SEMA3A: variants seen among roughly 807,000 people sequenced by gnomAD.
SEMA3A encodes semaphorin 3A, also known as semaphorin-3A.
A neutral mutation model predicts 97.9 loss-of-function variants in SEMA3A; 29 were observed. The observed-to-expected ratio is 0.30, with a 90% CI of 0.22 to 0.40. The LOEUF (loss-of-function observed/expected upper bound fraction) is 0.40. Among genes scored for constraint, SEMA3A ranks in the 10% least tolerant of loss-of-function variants. SEMA3A has a pLI of 1.00. For missense variants in SEMA3A, 763 were observed against 951.3 expected (o/e 0.80, Z 2.60); for synonymous variants, 321 against 323.7 (o/e 0.99, Z 0.09).
chr7:84,116,463 A>G (rs1795434442), intron 3 of SEMA3A, among the ~76,000 whole-genome samples: 1 of 152,198 alleles, frequency 6.6e-6, no homozygotes, highest in African/African-American at 2.4e-5. Flanking sequence ...CCCATAGGGT[A>G]AATGAATTAT....
At chr7:84,307,885 A>G (rs981009601) in intron 2 of SEMA3A, among the ~76,000 whole-genome samples, 1 of 152,220 alleles carries the variant, frequency 6.6e-6, no homozygotes, top group Admixed American at 6.5e-5. Context: ...ATACTAAAAT[A>G]GATGCTTTGT....
At chr7:84,055,749 T>G (rs536833119) in intron 5 of SEMA3A, among the ~76,000 whole-genome samples, 1 of 151,884 alleles carries the variant, frequency 6.6e-6, no homozygotes, top group Admixed American at 6.5e-5. Flanking sequence ...TGTTGATTCT[T>G]AAGCATAGTG....
chr7:84,429,454 A>G (rs1295558576), intron 1 of SEMA3A, among the ~76,000 whole-genome samples: 1 of 145,556 alleles, frequency 6.9e-6, no homozygotes. Flanking sequence ...CAAAAAAACT[A>G]TGCAATATAT....
At chr7:84,323,599 T>A (rs920502287) in intron 2 of SEMA3A, among the ~76,000 whole-genome samples, 3 of 151,516 alleles carry the variant, frequency 2.0e-5, no homozygotes, top group African/African-American at 7.3e-5. Flanking sequence ...TCTGAAAAAA[T>A]AGTATAAAAT....
In SEMA3A at chr7:84,007,442, C is replaced by A; in HGVS notation, c.1051G>T (p.Val351Leu). 2 of 1,606,780 alleles carry A rather than the reference C, an allele frequency of 1.2e-6. No individual in the cohort carries two copies. The highest frequency in any genetic ancestry group is 1.7e-6 in the Non-Finnish European group (2 of 1,176,480). ...CTGTGGGCATATGGACCAAGGAACA[C>A]CCTTCTCACATCACTCATGCTATAC... The part of the protein sequence containing the change: ...CMYSMSDVRR[V>L]FLGPYAHRDG... Residue 351 changes from valine to leucine, a missense_variant, in exon 10 of 17, where the codon GTG becomes TTG. Coordinates refer to ENST00000265362, the MANE Select transcript of SEMA3A (RefSeq NM_006080.3).
At chr7:84,311,222 C>A (rs1281902738) in intron 2 of SEMA3A, among the ~76,000 whole-genome samples, 1 of 151,902 alleles carries the variant, frequency 6.6e-6, no homozygotes, top group African/African-American at 2.4e-5. Context: ...AACCTTCTGG[C>A]CAGCTGGGAC....
At chr7:84,167,338 G>A (rs1364571919) in intron 1 of SEMA3A, among the ~76,000 whole-genome samples, 1 of 152,138 alleles carries the variant, frequency 6.6e-6, no homozygotes, top group East Asian at 1.9e-4. Flanking sequence ...TCCTGGCCAT[G>A]TTTTATATCA....
intron 4 of SEMA3A, among the ~76,000 whole-genome samples, chr7:84,092,997 CA>C (rs1353095683): frequency 6.6e-6 from 1 of 151,786 alleles, no homozygotes; most frequent in African/African-American, 2.4e-5. Flanking sequence ...ATTTGTTAAT[CA>C]ATATAGATTA....
At chr7:84,285,201 A>G (rs1052014384) in intron 3 of SEMA3A, among the ~76,000 whole-genome samples, 8 of 152,174 alleles carry the variant, frequency 5.3e-5, no homozygotes, top group African/African-American at 1.9e-4. Flanking sequence ...TTCTCTCTGT[A>G]ATAAGTCTAC....
At chr7:84,405,326 A>G (rs192405273) in intron 1 of SEMA3A, among the ~76,000 whole-genome samples, 1 of 152,368 alleles carries the variant, frequency 6.6e-6, no homozygotes, top group East Asian at 1.9e-4. Context: ...CAAGGGATCA[A>G]TTCAACAAGA....
At chr7:84,399,817 G>A (rs1803850174) in intron 1 of SEMA3A, among the ~76,000 whole-genome samples, 1 of 152,086 alleles carries the variant, frequency 6.6e-6, no homozygotes, top group Non-Finnish European at 1.5e-5. Flanking sequence ...CTACAGTAAT[G>A]TGCTGGTCTG....
intron 1 of SEMA3A, among the ~76,000 whole-genome samples, chr7:84,150,630 G>A (rs1275465387): frequency 6.6e-6 from 1 of 152,178 alleles, no homozygotes; most frequent in Non-Finnish European, 1.5e-5. Context: ...AGCAGTCTGA[G>A]ATCAAACTGC....
intron 5 of SEMA3A, among the ~76,000 whole-genome samples, chr7:84,048,694 A>G (rs73187466): frequency 2.6e-5 from 4 of 152,010 alleles, no homozygotes; most frequent in Non-Finnish European, 5.9e-5. Flanking sequence ...AGAATAATTT[A>G]AAAAATGAAA....
At chr7:84,333,370 C>T (rs913454822) in intron 2 of SEMA3A, among the ~76,000 whole-genome samples, 4 of 151,996 alleles carry the variant, frequency 2.6e-5, no homozygotes, top group South Asian at 2.1e-4. Context: ...ATGATGATAT[C>T]GAAGATTTTC....
chr7:83,995,834 C>T (rs1190402187), intron 12 of SEMA3A, among the ~76,000 whole-genome samples: 1 of 152,188 alleles, frequency 6.6e-6, no homozygotes, highest in East Asian at 1.9e-4. Context: ...TCAGGAGATT[C>T]TGACATAGCC....
chr7:84,249,211 G>A (rs996211967), intron 3 of SEMA3A, among the ~76,000 whole-genome samples: 7 of 151,940 alleles, frequency 4.6e-5, no homozygotes, highest in East Asian at 1.9e-4. Flanking sequence ...CTTCAAACCC[G>A]CCCCTCTACT....
chr7:84,076,748 A>G (rs1793965257), intron 4 of SEMA3A, among the ~76,000 whole-genome samples: 1 of 152,110 alleles, frequency 6.6e-6, no homozygotes, highest in Non-Finnish European at 1.5e-5. Context: ...GTTTGTGAAA[A>G]GTTAGTATCA....
At chr7:84,020,398 T>G (rs1791285232) in intron 6 of SEMA3A, among the ~76,000 whole-genome samples, 2 of 151,896 alleles carry the variant, frequency 1.3e-5, no homozygotes, top group Non-Finnish European at 2.9e-5. Flanking sequence ...TTCTATAGCT[T>G]CGATTTCATC....
intron 4 of SEMA3A, among the ~76,000 whole-genome samples, chr7:84,087,639 A>G (rs1794421776): frequency 6.6e-6 from 1 of 152,190 alleles, no homozygotes; most frequent in African/African-American, 2.4e-5. Flanking sequence ...TCCCTAGAGG[A>G]CATCTAAGTA....
Sources: gnomAD v4.1 joint callset for allele counts (sites outside exome capture counted in the v4.1 genomes callset) on GRCh38, gnomAD v4.1.1 for gene constraint, MANE v1.5 for transcripts, NCBI Gene and HGNC (gene_info 2026-07-23, HGNC 2026-07-21) for gene names.